Variants in NELL2 observed in about 807,000 individuals in gnomAD.
The protein encoded by NELL2 is neural EGFL like 2.
A neutral mutation model predicts 109.6 loss-of-function variants in NELL2; 41 were observed. That is an observed-to-expected ratio of 0.37 (90% CI 0.29 to 0.49). NELL2 has a LOEUF of 0.49. NELL2 is among the 20% of genes least tolerant of loss of function. The pLI, the probability that NELL2 is intolerant of heterozygous loss-of-function variation, is 0.98. For synonymous variants in NELL2, 355 were observed against 344.7 expected, an observed-to-expected ratio of 1.03 and a Z score of -0.33; for missense variants, 900 against 1,008.3, an observed-to-expected ratio of 0.89 and a Z score of 1.45.
chr12:44,521,127 T>G (rs931100151), intron 18 of NELL2, among the ~76,000 whole-genome samples: 3 of 152,168 alleles, frequency 2.0e-5, no homozygotes, highest in Non-Finnish European at 4.4e-5. Flanking sequence ...AAAAAGACTT[T>G]ATCAAGTCAT....
At chr12:44,581,877 GA>G in intron 15 of NELL2, among the ~76,000 whole-genome samples, 1 of 152,118 alleles carries the variant, frequency 6.6e-6, no homozygotes, top group South Asian at 2.1e-4. Flanking sequence ...GGTAAATATT[GA>G]AAAGAAAAAA....
chr12:44,850,952 A>G (rs1347879310), intron 2 of NELL2, among the ~76,000 whole-genome samples: 1 of 152,262 alleles, frequency 6.6e-6, no homozygotes, highest in East Asian at 1.9e-4. Flanking sequence ...AGAAACAGAC[A>G]AATTTTGCTC....
intron 15 of NELL2, among the ~76,000 whole-genome samples, 173 bp downstream of exon 15, chr12:44,606,996 C>G (rs537322077): frequency 6.6e-6 from 1 of 152,218 alleles, no homozygotes; most frequent in African/African-American, 2.4e-5. Flanking sequence ...TTTGGGGAAT[C>G]GCCCAGCGAA....
At chr12:44,796,561 C>A (rs187925222) in intron 3 of NELL2, among the ~76,000 whole-genome samples, 241 of 152,104 alleles carry the variant, frequency 1.6e-3, no homozygotes, top group African/African-American at 5.7e-3. Context: ...TGTCAATAAA[C>A]AAGGCCAAAC....
chr12:44,566,566 C>CACACACACACACAGAGAG (rs377368706), intron 15 of NELL2, among the ~76,000 whole-genome samples: 32 of 138,422 alleles, frequency 2.3e-4, no homozygotes, highest in African/African-American at 8.3e-4. Flanking sequence ...CACACACACA[C>CACACACACACACAGAGAG]AGAGTTTTAT....
intron 12 of NELL2, among the ~76,000 whole-genome samples, chr12:44,680,783 T>C (rs1948469115): frequency 6.6e-6 from 1 of 152,170 alleles, no homozygotes; most frequent in African/African-American, 2.4e-5. Flanking sequence ...TTCATTTAAC[T>C]TGTACTTACC....
At chr12:44,645,685 G>A (rs1258140773) in intron 13 of NELL2, among the ~76,000 whole-genome samples, 1 of 152,078 alleles carries the variant, frequency 6.6e-6, no homozygotes, top group Non-Finnish European at 1.5e-5. Context: ...CAATCCTGTA[G>A]GCACTTTAAA....
intron 15 of NELL2, among the ~76,000 whole-genome samples, chr12:44,566,587 A>G (rs933799692): frequency 4.7e-5 from 7 of 149,584 alleles, no homozygotes; most frequent in African/African-American, 1.8e-4. Flanking sequence ...GAATAGCAAT[A>G]GGAGCTACAA....
intron 15 of NELL2, among the ~76,000 whole-genome samples, chr12:44,574,511 T>C (rs1282864549): frequency 6.6e-6 from 1 of 152,096 alleles, no homozygotes; most frequent in African/African-American, 2.4e-5. Flanking sequence ...TTTTCTAACT[T>C]AAAGGAATGT....
chr12:44,825,457 G>T (rs1943681456), intron 2 of NELL2, among the ~76,000 whole-genome samples: 1 of 133,642 alleles, frequency 7.5e-6, no homozygotes, highest in African/African-American at 2.8e-5. Context: ...GTGCAGTGGT[G>T]CAATCTCATC....
intron 15 of NELL2, among the ~76,000 whole-genome samples, chr12:44,562,937 C>T (rs1943521468): frequency 6.6e-6 from 1 of 152,176 alleles, no homozygotes; most frequent in African/African-American, 2.4e-5. Context: ...CAATGATAGA[C>T]TGGATAAAGA....
At chr12:44,540,794 A>AAAAAAAAAAAAAAAAAAAAAACC (rs1942522538) in intron 15 of NELL2, among the ~76,000 whole-genome samples, 1 of 150,142 alleles carries the variant, frequency 6.7e-6, no homozygotes. Context: ...AAAAAAAAAA[A>AAAAAAAAAAAAAAAAAAAAAACC]AAAAGCCCAT....
At chr12:44,588,833 T>C (rs1340645280) in intron 15 of NELL2, among the ~76,000 whole-genome samples, 1 of 152,234 alleles carries the variant, frequency 6.6e-6, no homozygotes, top group Non-Finnish European at 1.5e-5. Flanking sequence ...AAACAGGAAC[T>C]CTGTATCCAT....
At chr12:44,842,103 G>GGGAA in intron 2 of NELL2, among the ~76,000 whole-genome samples, 8 of 119,108 alleles carry the variant, frequency 6.7e-5, no homozygotes, top group Non-Finnish European at 1.1e-4. Context: ...GAGGGAGGGA[G>GGGAA]GGAGGGAGGA....
intron 13 of NELL2, among the ~76,000 whole-genome samples, chr12:44,637,440 G>A (rs139633368): frequency 2.9e-4 from 43 of 146,754 alleles, no homozygotes; most frequent in African/African-American, 1.0e-3. Flanking sequence ...AAGTAATGAG[G>A]AAAACAGGAA....
At chr12:44,876,385 G>A (rs1216161347), upstream of NELL2, 6 of 1,253,836 alleles carry the variant, frequency 4.8e-6, no homozygotes, top group Non-Finnish European at 1.0e-6. Context: ...GGGGGAGGCG[G>A]GGTAAGGAGG....
intron 12 of NELL2, among the ~76,000 whole-genome samples, chr12:44,681,752 AT>A (rs1948516356): frequency 6.6e-6 from 1 of 152,176 alleles, no homozygotes; most frequent in East Asian, 1.9e-4. Context: ...TGAACTCATC[AT>A]TTTTTATGGC....
At chr12:44,627,715 G>C (rs1487646732) in intron 13 of NELL2, among the ~76,000 whole-genome samples, 2 of 151,976 alleles carry the variant, frequency 1.3e-5, no homozygotes, top group Non-Finnish European at 2.9e-5. Context: ...AAAACAAGTA[G>C]AATCACCAAA....
intron 1 of NELL2, among the ~76,000 whole-genome samples, chr12:44,921,382 C>T (rs759876134): frequency 1.1e-4 from 16 of 152,174 alleles, no homozygotes; most frequent in Non-Finnish European, 2.2e-4. Context: ...CGCTTACAGT[C>T]TGGCAGAGGT....
Sources: gnomAD v4.1 joint callset for allele counts (sites outside exome capture counted in the v4.1 genomes callset) on GRCh38, gnomAD v4.1.1 for gene constraint, MANE v1.5 for transcripts, NCBI Gene and HGNC (gene_info 2026-07-23, HGNC 2026-07-21) for gene names.